Variants in TDRD12 observed in about 807,000 individuals in gnomAD.
TDRD12 encodes the protein putative ATP-dependent RNA helicase TDRD12.
In TDRD12, 158 loss-of-function variants were observed where a neutral mutation model predicts 133.5. The ratio of observed to expected loss-of-function variants is 1.18; its 90% CI spans 1.04 to 1.35. TDRD12 has a LOEUF of 1.35. Ranked by LOEUF, TDRD12 falls within the 40% of genes most tolerant of loss-of-function variation. The pLI is 0.00. For missense variants in TDRD12, 1,443 were observed against 1,321.3 expected, an observed-to-expected ratio of 1.09 and a Z score of -1.43; for synonymous variants, 460 against 477.9, an observed-to-expected ratio of 0.96 and a Z score of 0.49.
At chr19:32,810,070 C>G in intron 22 of TDRD12, 23 bp from the exon 23 acceptor site, 1 of 1,433,618 alleles carries the variant, frequency 7.0e-7, no homozygotes, top group Non-Finnish European at 9.3e-7. Flanking sequence ...GTTTCTTGGT[C>G]ATGTTTACTA....
chr19:32,787,109 T>C (rs1353027401), intron 11 of TDRD12, among the ~76,000 whole-genome samples: 1 of 152,214 alleles, frequency 6.6e-6, no homozygotes, highest in African/African-American at 2.4e-5. Flanking sequence ...GATGAGGTTT[T>C]GGTGTAGATG....
At chr19:32,776,013 G>A (rs901138403) in intron 10 of TDRD12, among the ~76,000 whole-genome samples, 1 of 152,176 alleles carries the variant, frequency 6.6e-6, no homozygotes, top group Non-Finnish European at 1.5e-5. Flanking sequence ...GTGGGTGGCG[G>A]TGGCCGTGTG....
At chr19:32,763,453 C>A (rs560570354) in intron 8 of TDRD12, among the ~76,000 whole-genome samples, 2 of 152,254 alleles carry the variant, frequency 1.3e-5, no homozygotes, top group Admixed American at 1.3e-4. Context: ...TATTTTCCTC[C>A]CCCACCAGAA....
chr19:32,772,666 T>C (rs1407711838), intron 8 of TDRD12, 87 bp from the exon 9 acceptor site: 1 of 747,020 alleles, frequency 1.3e-6, no homozygotes, highest in African/African-American at 1.9e-5. Flanking sequence ...TATAATGGTA[T>C]TTGCTTTTAT....
chr19:32,752,628 C>G (rs1969865065), intron 6 of TDRD12, among the ~76,000 whole-genome samples: 1 of 152,064 alleles, frequency 6.6e-6, no homozygotes, highest in South Asian at 2.1e-4. Flanking sequence ...TATTGCCTTG[C>G]TCACATTACC....
At chr19:32,800,433 CAAGT>C (rs1432035009) in intron 17 of TDRD12, 75 bp downstream of exon 17, 1 of 1,173,120 alleles carries the variant, frequency 8.5e-7, no homozygotes, top group Non-Finnish European at 1.1e-6. Flanking sequence ...TGAACACAAG[CAAGT>C]AACTTTTATT....
At chr19:32,750,910 A>G (rs1354253345) in intron 6 of TDRD12, among the ~76,000 whole-genome samples, 1 of 152,184 alleles carries the variant, frequency 6.6e-6, no homozygotes, top group Non-Finnish European at 1.5e-5. Context: ...GGGGTTTATG[A>G]CGTCAGTATG....
At chr19:32,794,771 G>A (rs1156672940) in exon 14 of TDRD12, 2 of 703,318 alleles carry the variant, frequency 2.8e-6, no homozygotes, top group Non-Finnish European at 5.2e-6. Flanking sequence ...TGACAGTTTT[G>A]CAAACAGGAG....
intron 9 of TDRD12, 62 bp from the exon 33 acceptor site, chr19:32,827,100 TGG>T: frequency 1.1e-6 from 1 of 914,504 alleles, no homozygotes; most frequent in Non-Finnish European, 1.4e-6. Flanking sequence ...ACCCAAATAA[TGG>T]GGGGAAATAA....
At chr19:32,802,725 C>G in exon 20 of TDRD12, 1 of 1,536,542 alleles carries the variant, frequency 6.5e-7, no homozygotes. Context: ...TTCAGTTTCC[C>G]TGCCTCACCA....
chr19:32,791,805 T>G (rs532221270), intron 13 of TDRD12, among the ~76,000 whole-genome samples: 1 of 152,210 alleles, frequency 6.6e-6, no homozygotes, highest in African/African-American at 2.4e-5. Context: ...CAGGGCCTGC[T>G]TGCCTCCCTG....
chr19:32,763,140 C>T (rs1288108932), intron 8 of TDRD12, among the ~76,000 whole-genome samples: 1 of 152,124 alleles, frequency 6.6e-6, no homozygotes, highest in Non-Finnish European at 1.5e-5. Context: ...GCATACGGCA[C>T]GTGACTGGAG....
chr19:32,780,252 T>C (rs1234018189), intron 11 of TDRD12, among the ~76,000 whole-genome samples: 3 of 151,810 alleles, frequency 2.0e-5, no homozygotes, highest in African/African-American at 4.8e-5. Flanking sequence ...CCCAGCTAAC[T>C]TTTTTGTATT....
intron 3 of TDRD12, among the ~76,000 whole-genome samples, chr19:32,740,634 T>C (rs1969395563): frequency 6.6e-6 from 1 of 152,202 alleles, no homozygotes; most frequent in South Asian, 2.1e-4. Context: ...GCTGCTCTCC[T>C]GCCTGTCCTC....
intron 7 of TDRD12, 57 bp downstream of exon 7, chr19:32,756,238 T>C (rs746828118): frequency 1.4e-4 from 181 of 1,339,832 alleles, no homozygotes; most frequent in Non-Finnish European, 1.7e-4. Context: ...ATAATCTTAG[T>C]GTATAGATAT....
chr19:32,768,963 A>G (rs1348525742), intron 8 of TDRD12, among the ~76,000 whole-genome samples: 3 of 152,058 alleles, frequency 2.0e-5, no homozygotes, highest in African/African-American at 7.2e-5. Flanking sequence ...GGCTGGTCTC[A>G]AACTCCTGGC....
At chr19:32,811,210 G>A in exon 24 of TDRD12, 2 of 1,535,530 alleles carry the variant, frequency 1.3e-6, no homozygotes, top group Non-Finnish European at 1.7e-6. Context: ...TGCTCTCCAG[G>A]GTTCAGGTGT....
intron 1 of TDRD12, among the ~76,000 whole-genome samples, chr19:32,730,618 G>C (rs1466659764): frequency 7.9e-5 from 12 of 152,208 alleles, no homozygotes; most frequent in Non-Finnish European, 1.0e-4. Flanking sequence ...AATAATACTA[G>C]TGGGAATACC....
At chr19:32,827,100 TGGG>T (rs1224453089) in intron 9 of TDRD12, 61 bp from the exon 33 acceptor site, 10 of 914,384 alleles carry the variant, frequency 1.1e-5, no homozygotes, top group African/African-American at 1.7e-5. Context: ...ACCCAAATAA[TGGG>T]GGGAAATAAA....
Sources: gnomAD v4.1 joint callset for allele counts (sites outside exome capture counted in the v4.1 genomes callset) on GRCh38, gnomAD v4.1.1 for gene constraint, MANE v1.5 for transcripts, NCBI Gene and HGNC (gene_info 2026-07-23, HGNC 2026-07-21) for gene names.